LRFN2: variants seen among roughly 807,000 people sequenced by gnomAD.
LRFN2 encodes leucine-rich repeat and fibronectin type-III domain-containing protein 2.
LRFN2 carries 18 observed loss-of-function variants against 37.3 expected under a neutral mutation model. The ratio of observed to expected loss-of-function variants is 0.48; its 90% CI spans 0.33 to 0.72. The LOEUF is 0.72. Ranked by LOEUF, LRFN2 falls within the 30% of genes least tolerant of loss-of-function variation. LRFN2 has a pLI of 0.02. For synonymous variants in LRFN2, 556 were observed against 466.6 expected (o/e 1.19, Z -2.47); for missense variants, 1,006 against 1,060.7 (o/e 0.95, Z 0.72).
intron 1 of LRFN2, among the ~76,000 whole-genome samples, chr6:40,498,520 A>T (rs943719762): frequency 3.3e-5 from 5 of 152,204 alleles, no homozygotes; most frequent in Non-Finnish European, 5.9e-5. Flanking sequence ...ATCTTTACAA[A>T]AAAAGCATGT....
chr6:40,492,425 G>A (rs1052695930), intron 1 of LRFN2, among the ~76,000 whole-genome samples: 1 of 152,126 alleles, frequency 6.6e-6, no homozygotes, highest in African/African-American at 2.4e-5. Flanking sequence ...GAAGCACATC[G>A]AACCTGCCAG....
intron 2 of LRFN2, among the ~76,000 whole-genome samples, chr6:40,430,332 G>T (rs1763450805): frequency 1.3e-5 from 2 of 152,106 alleles, no homozygotes; most frequent in African/African-American, 4.8e-5. Context: ...CCAATCCAGA[G>T]ACTCATCAAC....
At chr6:40,453,519 C>G (rs1581718095) in intron 1 of LRFN2, among the ~76,000 whole-genome samples, 1 of 107,078 alleles carries the variant, frequency 9.3e-6, no homozygotes, top group Non-Finnish European at 1.9e-5. Context: ...GCCAAACACA[C>G]ACACACACAC....
At chr6:40,495,484 C>T (rs1415033693) in intron 1 of LRFN2, among the ~76,000 whole-genome samples, 1 of 152,196 alleles carries the variant, frequency 6.6e-6, no homozygotes, top group Non-Finnish European at 1.5e-5. Flanking sequence ...TCCTACTTTT[C>T]CATGAAACAG....
intron 2 of LRFN2, among the ~76,000 whole-genome samples, chr6:40,410,559 T>C (rs1762944948): frequency 6.6e-6 from 1 of 152,236 alleles, no homozygotes; most frequent in African/African-American, 2.4e-5. Flanking sequence ...TGCAGAGTTA[T>C]ATGAGGATCA....
chr6:40,392,204 C>T lies in LRFN2; in HGVS notation c.2109G>A (p.Ala703=), dbSNP rs768433704. 1.3e-6 allele frequency: 2 copies of T among 1,571,728 alleles called. No homozygotes were observed. The highest frequency in any genetic ancestry group is 2.3e-5 in the East Asian group (1 of 43,664). Residue 703 remains alanine (A), a synonymous_variant, in exon 3 of 3, where the codon GCG becomes GCA. Coordinates refer to ENST00000338305, the MANE Select transcript of LRFN2 (RefSeq NM_020737.3). The surrounding 1 kb of genome is among the most constrained non-coding windows in gnomAD (Gnocchi z 4.7). ...AGGGGAGCAGGCTCCTGGCCCGGGC[C>T]GCAGGGGGCCCCAGCAGTGGCTCTC... is the stretch of plus-strand genomic sequence containing the variant. The part of the protein sequence containing the change: ...SDREPLLGPP[A]ARARSLLPLP...
chr6:40,485,464 C>A (rs932693586), intron 1 of LRFN2, among the ~76,000 whole-genome samples: 2 of 152,186 alleles, frequency 1.3e-5, no homozygotes, highest in African/African-American at 2.4e-5. Flanking sequence ...GTAATCAGTT[C>A]ATTAGAAATT....
chr6:40,539,542 G>A (rs1766514083), intron 1 of LRFN2, among the ~76,000 whole-genome samples: 1 of 152,152 alleles, frequency 6.6e-6, no homozygotes, highest in Admixed American at 6.5e-5. Flanking sequence ...ACAGTCGTGG[G>A]AGCTTTGGGT....
At chr6:40,412,946 G>A (rs1763004841) in intron 2 of LRFN2, among the ~76,000 whole-genome samples, 1 of 152,198 alleles carries the variant, frequency 6.6e-6, no homozygotes, top group Non-Finnish European at 1.5e-5. Flanking sequence ...ACCTCATTGA[G>A]CAGGTGAACT....
chr6:40,576,007 G>A (rs1479278867), intron 1 of LRFN2, among the ~76,000 whole-genome samples: 1 of 152,092 alleles, frequency 6.6e-6, no homozygotes, highest in South Asian at 2.1e-4. Context: ...ATACCCAGTG[G>A]CCATTATTAT....
intron 1 of LRFN2, among the ~76,000 whole-genome samples, chr6:40,469,861 A>C (rs1413508363): frequency 6.6e-6 from 1 of 152,092 alleles, no homozygotes; most frequent in African/African-American, 2.4e-5. Context: ...GCACCAGGAC[A>C]TCCCTCTACC....
At chr6:40,544,454 C>T (rs1020658489) in intron 1 of LRFN2, among the ~76,000 whole-genome samples, 1 of 152,228 alleles carries the variant, frequency 6.6e-6, no homozygotes, top group Admixed American at 6.5e-5. Context: ...TTTGAGTAAA[C>T]AGCCATGTGT....
chr6:40,509,620 G>A (rs1266147735), intron 1 of LRFN2, among the ~76,000 whole-genome samples: 1 of 152,178 alleles, frequency 6.6e-6, no homozygotes. Context: ...GAAGGTAAGG[G>A]GTGAGTGCCT....
chr6:40,572,239 G>A (rs1767202585), intron 1 of LRFN2, among the ~76,000 whole-genome samples: 1 of 152,132 alleles, frequency 6.6e-6, no homozygotes. Context: ...GGTTGTCATG[G>A]GCAATAAATT....
chr6:40,458,476 C>T (rs1424653530), intron 1 of LRFN2, among the ~76,000 whole-genome samples: 2 of 152,224 alleles, frequency 1.3e-5, no homozygotes, highest in African/African-American at 4.8e-5. Context: ...GCACTCTACA[C>T]GTTGGTTTCT....
intron 1 of LRFN2, among the ~76,000 whole-genome samples, chr6:40,584,488 A>G (rs759324032): frequency 2.4e-4 from 36 of 152,096 alleles, no homozygotes; most frequent in Non-Finnish European, 4.3e-4. Context: ...AAATCACAAA[A>G]TACTCAAATT....
At chr6:40,534,291 G>A (rs905755141) in intron 1 of LRFN2, among the ~76,000 whole-genome samples, 3 of 152,194 alleles carry the variant, frequency 2.0e-5, no homozygotes, top group Admixed American at 6.5e-5. Context: ...ACGTTTTGGG[G>A]GTCATGGACT....
intron 1 of LRFN2, among the ~76,000 whole-genome samples, chr6:40,435,044 TATATATATAGAGAGAGAGAGAGAG>T (rs1204398615): frequency 1.1e-5 from 1 of 88,614 alleles, no homozygotes; most frequent in African/African-American, 5.3e-5. Context: ...TATATATATA[TATATATATAGAGAGAGAGAGAGAG>T]AGAGAGAGAG....
In LRFN2 at chr6:40,436,395, G is replaced by T. The variant is rs531523471; in HGVS notation, c.-18-3264C>A. On this transcript the variant is annotated intron_variant, in intron 1 of 2. Coordinates refer to ENST00000338305, the MANE Select transcript of LRFN2 (RefSeq NM_020737.3). ...CTTTGTGCCACCATGGCAGAGGTGA[G>T]CCATTGCTGCATATAACACATGGCA... 2.0e-5 allele frequency among the ~76,000 whole-genome samples: 3 copies of T among 152,324 alleles called. No homozygotes were observed. The South Asian group carries it at 6.2e-4, about 32-fold the overall frequency.
Sources: allele counts gnomAD v4.1 joint callset (sites outside exome capture counted in the v4.1 genomes callset), GRCh38; gene constraint gnomAD v4.1.1; non-coding constraint Gnocchi (gnomAD v3.1); transcripts MANE v1.5; gene names NCBI Gene and HGNC (gene_info 2026-07-23, HGNC 2026-07-21).